FLRT2: variants seen among roughly 807,000 people sequenced by gnomAD.
FLRT2 encodes fibronectin leucine rich transmembrane protein 2.
Under a neutral mutation model 40.0 loss-of-function variants are expected in FLRT2, and 15 were observed. That is an observed-to-expected ratio of 0.38 (90% CI 0.25 to 0.58). The LOEUF (loss-of-function observed/expected upper bound fraction) is 0.58. Ranked by LOEUF, FLRT2 falls within the 20% of genes least tolerant of loss-of-function variation. FLRT2 has a pLI of 0.71. For missense variants in FLRT2, 726 were observed against 840.0 expected (o/e 0.86, Z 1.68); for synonymous variants, 380 against 336.8 (o/e 1.13, Z -1.41).
intron 1 of FLRT2, among the ~76,000 whole-genome samples, chr14:85,574,870 G>A (rs1197364638): frequency 1.3e-5 from 2 of 152,246 alleles, no homozygotes; most frequent in Non-Finnish European, 2.9e-5. Context: ...ATTTCTTACT[G>A]TAGTTAAATT....
intron 1 of FLRT2, among the ~76,000 whole-genome samples, chr14:85,589,377 C>G (rs139229258): frequency 5.3e-5 from 8 of 152,092 alleles, no homozygotes; most frequent in African/African-American, 1.9e-4. Flanking sequence ...TGTTGAGCAC[C>G]TTTTCATATG....
intron 1 of FLRT2, among the ~76,000 whole-genome samples, chr14:85,595,371 G>C (rs1374483930): frequency 6.7e-6 from 1 of 148,972 alleles, no homozygotes; most frequent in Non-Finnish European, 1.5e-5. Flanking sequence ...CTTAACTTTA[G>C]TTTTAAGATA....
intron 1 of FLRT2, among the ~76,000 whole-genome samples, chr14:85,592,510 G>A (rs1197887994): frequency 6.6e-6 from 1 of 151,978 alleles, no homozygotes; most frequent in Non-Finnish European, 1.5e-5. Context: ...GGAATCAGCC[G>A]GGTGCAGTGG....
intron 1 of FLRT2, among the ~76,000 whole-genome samples, chr14:85,602,862 C>T (rs1371174613): frequency 3.3e-5 from 5 of 152,030 alleles, no homozygotes; most frequent in Admixed American, 3.3e-4. Context: ...TACTATAACC[C>T]CAGAATAATG....
intron 1 of FLRT2, among the ~76,000 whole-genome samples, chr14:85,563,308 A>G (rs8019251): frequency 0.45 from 68,750 of 151,976 alleles, 15,783 homozygotes; most frequent in East Asian, 0.48. Flanking sequence ...GTCTGACTCC[A>G]TGGTCTATGT....
At chr14:85,595,846 G>A (rs1848122011) in intron 1 of FLRT2, among the ~76,000 whole-genome samples, 1 of 152,166 alleles carries the variant, frequency 6.6e-6, no homozygotes, top group South Asian at 2.1e-4. Flanking sequence ...GGTTTGCTAT[G>A]TTTTCTTGAC....
intron 1 of FLRT2, among the ~76,000 whole-genome samples, chr14:85,619,196 A>G (rs1016328379): frequency 6.0e-5 from 9 of 149,122 alleles, no homozygotes; most frequent in Non-Finnish European, 1.3e-4. Context: ...CAATCCTCCC[A>G]CCTCAGCCTT....
chr14:85,623,104 G>T lies in FLRT2; in HGVS notation c.1590G>T (p.Glu530Asp). 9.9e-6 allele frequency: 16 copies of T among 1,613,310 alleles called. No individual in the cohort carries two copies. The highest frequency in any genetic ancestry group is 1.4e-5 in the Non-Finnish European group (16 of 1,179,516). ...NNGSNTASSH[E>D]QTTSHSMGSP... ...GCAGCAACACAGCGTCCAGCCATGA[G>T]CAGACGACGTCCCACAGCATGGGCT... Residue 530 changes from glutamate (E) to aspartate (D), a missense_variant, in exon 2 of 2, where the codon GAG becomes GAT. Physicochemically the swap from Glu to Asp is conservative, Grantham distance 45 (BLOSUM62 2). Around this residue, in one of 3 missense-constraint regions of FLRT2, gnomAD observed 611 missense variants for 690.0 expected, o/e 0.89. Coordinates refer to ENST00000330753, the MANE Select transcript of FLRT2 (RefSeq NM_013231.6).
At position 85,633,894 on chromosome 14, in the gene FLRT2, A is replaced by G. The variant is rs976150332; in HGVS notation, c.*10397A>G. The G allele has an allele frequency of 1.3e-5, 2 of 152,208 alleles. No homozygotes were observed. The highest frequency in any genetic ancestry group is 2.4e-5 in the African/African-American group (1 of 41,456). The allele number at this position is 152,208 out of a possible 1,614,324, so 9.4% of individuals were successfully genotyped here. A position where few individuals can be genotyped will look rare whatever the true frequency, so the allele number is the denominator to read the frequency against. On this transcript the variant is annotated 3_prime_UTR_variant, in exon 2 of 2. Coordinates refer to ENST00000330753, the MANE Select transcript of FLRT2 (RefSeq NM_013231.6). ...TTTATTTGATGCTAGTACACCACCAATTACGGCATTTAAATCCACACTGGG... is the reference window on the plus strand; with the variant it reads ...TTTATTTGATGCTAGTACACCACCAGTTACGGCATTTAAATCCACACTGGG...
At chr14:85,550,251 C>A (rs1889533149) in intron 1 of FLRT2, among the ~76,000 whole-genome samples, 1 of 152,132 alleles carries the variant, frequency 6.6e-6, no homozygotes, top group African/African-American at 2.4e-5. Context: ...GTAATATATT[C>A]TATGGGGACA....
rs952928857 is a variant in FLRT2, at chr14:85,640,132, GCCACTGCCCCCCAC to G, written c.*16641_*16654del. 6.6e-6 allele frequency: 1 copy of G among 152,298 alleles called. No homozygotes were observed. Among genetic ancestry groups the G allele is most frequent in the African/African-American group, 2.4e-5 (1 of 41,454 alleles). 9.4% of individuals were successfully genotyped at this position (152,298 alleles called of 1,614,324 possible). ...CAAAGTGCTGGGATTACAGGCGTGA[GCCACTGCCCCCCAC>G]CCACTAGCAGAAATTCTTAACAGTT... On this transcript the variant is annotated 3_prime_UTR_variant, in exon 2 of 2. Transcript: ENST00000330753.
chr14:85,621,770 A>G lies in FLRT2; in HGVS notation c.256A>G (p.Asn86Asp), dbSNP rs2139369952. 1 of 1,614,214 alleles carries G rather than the reference A, an allele frequency of 6.2e-7. No homozygotes were observed. The highest frequency in any genetic ancestry group is 2.2e-5 in the East Asian group (1 of 44,876). The stretch of plus-strand genomic sequence containing the variant: ...TGCTGGATTTCCTGCAGAACTGCAC[A>G]ATGTACAGTCGGTGCACACGGTCTA... ...NNAGFPAELH[N>D]VQSVHTVYLY... Residue 86 changes from asparagine to aspartate, a missense_variant, in exon 2 of 2, where the codon AAT becomes GAT. This residue lies in a region of FLRT2 where 106 missense variants were observed against 121.2 expected (regional missense o/e 0.87). Transcript: ENST00000330753.
At chr14:85,610,698 C>T (rs1173387297) in intron 1 of FLRT2, among the ~76,000 whole-genome samples, 1 of 152,126 alleles carries the variant, frequency 6.6e-6, no homozygotes, top group African/African-American at 2.4e-5. Context: ...CTCCTGAGCA[C>T]CATCATTCTG....
chr14:85,588,488 T>G (rs1028602482), intron 1 of FLRT2, among the ~76,000 whole-genome samples: 18 of 151,972 alleles, frequency 1.2e-4, no homozygotes, highest in African/African-American at 3.9e-4. Flanking sequence ...TTACTTTTTT[T>G]GGGTACATAG....
chr14:85,595,777 T>C (rs1029876660), intron 1 of FLRT2, among the ~76,000 whole-genome samples: 5 of 152,230 alleles, frequency 3.3e-5, no homozygotes, highest in African/African-American at 1.2e-4. Context: ...GCTATTTCTA[T>C]AGGGGAATAA....
At position 85,622,225 on chromosome 14, in the gene FLRT2, T is replaced by C; in HGVS notation, c.711T>C (p.Ile237=). The stretch of plus-strand genomic sequence containing the variant: ...TCACCAAGCTCAAGGAATTTTCAAT[T>C]GTACGTAATTCGCTGTCCCACCCTC... ...SHLTKLKEFS[I]VRNSLSHPPP... The change falls in exon 2 of 2, where the codon ATT becomes ATC. Residue 237 remains isoleucine, a synonymous_variant. Transcript: ENST00000330753. 6.2e-7 allele frequency: 1 copy of C among 1,614,114 alleles called. No individual in the cohort carries two copies. The highest frequency in any genetic ancestry group is 8.5e-7 in the Non-Finnish European group (1 of 1,180,014).
At chr14:85,606,893 C>A (rs372413141) in intron 1 of FLRT2, among the ~76,000 whole-genome samples, 3 of 151,330 alleles carry the variant, frequency 2.0e-5, no homozygotes, top group East Asian at 4.0e-4. Flanking sequence ...CATTATTACA[C>A]CCCCTTCCCC....
Position 85,601,240 on chromosome 14 carries a change from G to A in FLRT2, c.-376-19899G>A, listed in dbSNP as rs375856409. Among the ~76,000 whole-genome samples the A allele has an allele frequency of 5.5e-4, 84 of 152,338 alleles. 1 individual carries two copies. The highest frequency in any genetic ancestry group is 3.4e-3 in the Middle Eastern group (1 of 294). ...AGTGAAATAATGTTGCCCTGGGCAGGCGGTAAACTATGAGTCCAAGCCATC... is the reference window on the plus strand; with the variant it reads ...AGTGAAATAATGTTGCCCTGGGCAGACGGTAAACTATGAGTCCAAGCCATC... On this transcript the variant is annotated intron_variant, in intron 1 of 1. Transcript: ENST00000330753.
In FLRT2 at chr14:85,635,009, C is replaced by T. The variant is rs1893969127; in HGVS notation, c.*11512C>T. The T allele has an allele frequency of 6.6e-6, 1 of 152,088 alleles. No individual in the cohort carries two copies. Among genetic ancestry groups the T allele is most frequent in the African/African-American group, 2.4e-5 (1 of 41,404 alleles). 9.4% of individuals were successfully genotyped at this position (152,088 alleles called of 1,614,324 possible). ...TTGTGTTCTGTGTGCTTTTAAAATT[C>T]AGGAAGATGTGACTAGGATAGATAA... On this transcript the variant is annotated 3_prime_UTR_variant, in exon 2 of 2. Coordinates refer to ENST00000330753, the MANE Select transcript of FLRT2 (RefSeq NM_013231.6).
Sources: gnomAD v4.1 joint callset for allele counts (sites outside exome capture counted in the v4.1 genomes callset) on GRCh38, gnomAD v4.1.1 for gene constraint, gnomAD v4.1.1 regional missense constraint, MANE v1.5 for transcripts, NCBI Gene and HGNC (gene_info 2026-07-23, HGNC 2026-07-21) for gene names.